Variants in TCAF1 observed in about 807,000 individuals in gnomAD.
TCAF1 encodes the protein TRPM8 channel associated factor 1, also known as TRPM8 channel-associated factor 1.
A neutral mutation model predicts 27.3 loss-of-function variants in TCAF1; 4 were observed. The ratio of observed to expected loss-of-function variants is 0.15; its 90% CI spans 0.07 to 0.34. The LOEUF (loss-of-function observed/expected upper bound fraction) is 0.34, where lower values mean the gene tolerates loss of function less well. TCAF1 is among the 10% of genes least tolerant of loss of function. The probability of loss-of-function intolerance (pLI) is 1.00; values close to 1 mark genes in which losing one functional copy is unlikely to be tolerated. For missense variants in TCAF1, 257 were observed against 425.8 expected (o/e 0.60, Z 3.49); for synonymous variants, 105 against 167.1 (o/e 0.63, Z 2.87).
chr7:143,885,685 C>T (rs752152498), intron 1 of TCAF1: 16 of 388,150 alleles, frequency 4.1e-5, no homozygotes, highest in Non-Finnish European at 5.6e-5. Flanking sequence ...TTGCCTCTAT[C>T]TATATATTTA....
At chr7:143,893,418 C>G (rs892993110) in intron 1 of TCAF1, among the ~76,000 whole-genome samples, 4 of 151,970 alleles carry the variant, frequency 2.6e-5, no homozygotes, top group Non-Finnish European at 5.9e-5. Context: ...ACAAATTTGA[C>G]CCTGTTGACA....
At position 143,902,154 on chromosome 7, in the gene TCAF1, A is replaced by G. The variant is rs3735383; in HGVS notation, c.-208T>C. On this transcript the variant is annotated 5_prime_UTR_variant, in exon 1 of 9. Coordinates refer to ENST00000479870, the MANE Select transcript of TCAF1 (RefSeq NM_014719.3). ...GGCAAAGGGCAGCGGGCTCGAAACT[A>G]CAGGACTTGGAAAGTCTTAGGCGGA... The G allele has an allele frequency of 0.55, 83,295 of 152,076 alleles. 24,319 individuals carry two copies. The highest frequency in any genetic ancestry group is 0.76 in the African/African-American group (31,610 of 41,446). 9.4% of individuals were successfully genotyped at this position (152,076 alleles called of 1,614,324 possible).
chr7:143,857,461 C>CA, intron 7 of TCAF1, 111 bp from the exon 8 acceptor site: 1 of 1,394,542 alleles, frequency 7.2e-7, no homozygotes, highest in Non-Finnish European at 1.0e-6. Context: ...ATCAGCTTCA[C>CA]GTCTATCACC....
chr7:143,891,277 A>G (rs909840842), intron 1 of TCAF1, among the ~76,000 whole-genome samples: 2 of 152,236 alleles, frequency 1.3e-5, no homozygotes, highest in African/African-American at 4.8e-5. Context: ...TTAAAAAAAC[A>G]GAATAAGTTG....
At chr7:143,878,751 G>A (rs1205905554) in intron 1 of TCAF1, among the ~76,000 whole-genome samples, 1 of 152,158 alleles carries the variant, frequency 6.6e-6, no homozygotes, top group African/African-American at 2.4e-5. Flanking sequence ...AAAGTGCACA[G>A]TGTCACAGTA....
rs946695794 is a variant in TCAF1 at position 143,882,670 on chromosome 7, C to A, written c.-14-6048G>T. On this transcript the variant is annotated intron_variant, in intron 1 of 8. Transcript: ENST00000479870. The stretch of plus-strand genomic sequence containing the variant: ...CGCCCTGCCCTCCCCCCCGCAGCAC[C>A]CAGGCCGAGTCCACCGTTGCTGGCC... The A allele has an allele frequency of 3.8e-5, 37 of 985,086 alleles. No individual in the cohort carries two copies. The African/African-American group carries it at 6.1e-4, about 16-fold the overall frequency. The allele number at this position is 985,086 out of a possible 1,614,324, so 61.0% of individuals were successfully genotyped here.
chr7:143,859,975 T>TATATATTATATAATATATATTATGTA (rs1811867584), intron 6 of TCAF1, among the ~76,000 whole-genome samples: 6 of 20,548 alleles, frequency 2.9e-4, no homozygotes, highest in Non-Finnish European at 6.7e-4. Context: ...TATTATATAA[T>TATATATTATATAATATATATTATGTA]ATATATTATA....
Position 143,859,987 on chromosome 7 carries a change from AATATATATTATATAAT to A in TCAF1, c.2167+205_2167+220del, listed in dbSNP as rs1811881538. On this transcript the variant is annotated intron_variant, in intron 6 of 8. Transcript: ENST00000479870. ...ATATATTATATAATATATATTATAT[AATATATATTATATAAT>A]ATATATATAATATATATTATATATT... 2.9e-4 allele frequency among the ~76,000 whole-genome samples: 6 copies of A among 20,476 alleles called. 1 individual carries two copies. The highest frequency in any genetic ancestry group is 6.3e-4 in the Non-Finnish European group (6 of 9,572). The allele number at this position is 20,476 out of a possible 152,430, so 13.4% of individuals were successfully genotyped here.
intron 1 of TCAF1, among the ~76,000 whole-genome samples, chr7:143,883,483 TTC>T (rs1187640588): frequency 6.6e-6 from 1 of 151,006 alleles, no homozygotes. Flanking sequence ...CAAATCGCAT[TTC>T]TTTCTTTCCT....
intron 1 of TCAF1, among the ~76,000 whole-genome samples, chr7:143,896,502 T>C (rs1586801946): frequency 6.6e-6 from 1 of 152,080 alleles, no homozygotes; most frequent in Admixed American, 6.6e-5. Context: ...CAGAACATCA[T>C]GTAATTACAG....
chr7:143,865,150 TTC>T (rs1189535665), intron 2 of TCAF1, among the ~76,000 whole-genome samples: 8 of 146,474 alleles, frequency 5.5e-5, no homozygotes, highest in African/African-American at 1.7e-4. Context: ...TATAATTTTT[TTC>T]TCTTTTATTT....
chr7:143,885,525 A>G (rs1359653724), intron 1 of TCAF1: 3 of 985,424 alleles, frequency 3.0e-6, no homozygotes, highest in Non-Finnish European at 3.6e-6. Flanking sequence ...CCGCCCTCAG[A>G]GTGCAGCAGG....
intron 1 of TCAF1, among the ~76,000 whole-genome samples, chr7:143,898,612 C>T (rs1338539466): frequency 6.6e-6 from 1 of 151,884 alleles, no homozygotes; most frequent in East Asian, 1.9e-4. Context: ...TATGACGTGC[C>T]TAGAAATTTA....
chr7:143,893,613 T>C (rs1469946080), intron 1 of TCAF1, among the ~76,000 whole-genome samples: 1 of 151,984 alleles, frequency 6.6e-6, no homozygotes, highest in African/African-American at 2.4e-5. Flanking sequence ...TTTATTTAAT[T>C]AGAAAATTCC....
At chr7:143,899,683 CAT>C (rs532654148) in intron 1 of TCAF1, among the ~76,000 whole-genome samples, 86 of 152,192 alleles carry the variant, frequency 5.7e-4, no homozygotes, top group African/African-American at 2.0e-3. Flanking sequence ...GATATAAAGA[CAT>C]AGAGAGAAAG....
At chr7:143,886,515 C>T in intron 1 of TCAF1, 1 of 985,088 alleles carries the variant, frequency 1.0e-6, no homozygotes, top group Non-Finnish European at 1.2e-6. Context: ...AGGTCACAAA[C>T]AGGTGCTCTG....
At chr7:143,898,541 GCAA>G (rs1813988254) in intron 1 of TCAF1, among the ~76,000 whole-genome samples, 1 of 152,000 alleles carries the variant, frequency 6.6e-6, no homozygotes, top group African/African-American at 2.4e-5. Context: ...CTGTATGCCA[GCAA>G]CAATAAACTA....
At chr7:143,901,144 G>T (rs1461184282) in intron 1 of TCAF1, among the ~76,000 whole-genome samples, 3 of 152,086 alleles carry the variant, frequency 2.0e-5, no homozygotes, top group African/African-American at 2.4e-5. Context: ...TTATTTTTTA[G>T]ACCATTCTGA....
chr7:143,882,824 C>T, intron 1 of TCAF1: 1 of 985,656 alleles, frequency 1.0e-6, no homozygotes, highest in South Asian at 4.7e-5. Context: ...CTTCCCTGTA[C>T]CAGTGACTGG....
Sources: allele counts gnomAD v4.1 joint callset (sites outside exome capture counted in the v4.1 genomes callset), GRCh38; gene constraint gnomAD v4.1.1; transcripts MANE v1.5; gene names NCBI Gene and HGNC (gene_info 2026-07-23, HGNC 2026-07-21).